ALG11: variants seen among roughly 807,000 people sequenced by gnomAD.
ALG11 encodes the protein GDP-Man:Man(3)GlcNAc(2)-PP-Dol alpha-1,2-mannosyltransferase.
A neutral mutation model predicts 38.8 loss-of-function variants in ALG11; 26 were observed. The observed-to-expected ratio is 0.67, with a 90% CI of 0.49 to 0.93. The LOEUF (loss-of-function observed/expected upper bound fraction) is 0.93. Among genes scored for constraint, ALG11 ranks in the 40% least tolerant of loss-of-function variants. The probability of loss-of-function intolerance (pLI) is 0.00; values close to 1 mark genes in which losing one functional copy is unlikely to be tolerated. For synonymous variants in ALG11, 199 were observed against 211.6 expected (o/e 0.94, Z 0.52); for missense variants, 535 against 578.8 (o/e 0.92, Z 0.78).
chr13:52,022,426 A>T (rs1954191505), intron 2 of ALG11: 1 of 152,200 alleles, frequency 6.6e-6, no homozygotes. Context: ...GCTACCAGAG[A>T]TCACAATCTT....
intron 3 of ALG11, among the ~76,000 whole-genome samples, chr13:52,025,882 C>G (rs1396840465): frequency 6.6e-6 from 1 of 152,214 alleles, no homozygotes; most frequent in African/African-American, 2.4e-5. Context: ...GTGCTAGGCC[C>G]AGACATTAAG....
chr13:52,032,791 CTTA>C lies in ALG11; in HGVS notation c.*4204_*4206del, dbSNP rs1036964589. 1.2e-5 allele frequency: 2 copies of C among 167,048 alleles called. No homozygotes were observed. The highest frequency in any genetic ancestry group is 2.9e-5 in the Non-Finnish European group (2 of 68,108). The allele number at this position is 167,048 out of a possible 1,614,324, so 10.3% of individuals were successfully genotyped here. On this transcript the variant is annotated 3_prime_UTR_variant, in exon 4 of 4. Coordinates refer to ENST00000521508, the MANE Select transcript of ALG11 (RefSeq NM_001004127.3). ...ACCCTACAGATTAGCCCAGTTCTCT[CTTA>C]TTTTCAGCTTTACAGACAAGAACAA...
In ALG11 at chr13:52,032,680, C is replaced by CA. The variant is rs1158123371; in HGVS notation, c.*4091dup. On this transcript the variant is annotated 3_prime_UTR_variant, in exon 4 of 4. Transcript: ENST00000521508. ...AAAAAGCAGCAAACAGAGGGTCAGT[C>CA]ACAGGATGTTCTGACACACCATTGT... 1 of 167,104 alleles carries CA rather than the reference C, an allele frequency of 6.0e-6. No individual in the cohort carries two copies. The highest frequency in any genetic ancestry group is 1.5e-5 in the Non-Finnish European group (1 of 68,120). 10.4% of individuals were successfully genotyped at this position (167,104 alleles called of 1,614,324 possible).
chr13:52,025,270 GAGT>G (rs1236632880), intron 3 of ALG11, among the ~76,000 whole-genome samples: 2 of 152,064 alleles, frequency 1.3e-5, no homozygotes, highest in African/African-American at 4.8e-5. Flanking sequence ...GAAATTGCTC[GAGT>G]TCAGTTACAC....
chr13:52,018,563 A>G lies in ALG11; in HGVS notation c.45-350A>G, dbSNP rs138846646. ...GACCCTCAAAATGACAGTATATAAC[A>G]CATTCTTAATCATGTCTTGTTTAGA... On this transcript the variant is annotated intron_variant, in intron 1 of 3. Coordinates refer to ENST00000521508, the MANE Select transcript of ALG11 (RefSeq NM_001004127.3). 2.5e-3 allele frequency among the ~76,000 whole-genome samples: 378 copies of G among 152,326 alleles called. 2 individuals carry two copies. The highest frequency in any genetic ancestry group is 9.3e-3 in the South Asian group (45 of 4,834).
chr13:52,030,928 C>T lies in ALG11; in HGVS notation c.*2338C>T, dbSNP rs368572565. The T allele has an allele frequency of 1.2e-6, 2 of 1,614,018 alleles. No individual in the cohort carries two copies. The highest frequency in any genetic ancestry group is 1.7e-6 in the Non-Finnish European group (2 of 1,180,044). ...CCCCTATAGGATCCACATGGAACAC[C>T]CAGAGGGCTTTCCAAAAGCTGACTA... On this transcript the variant is annotated 3_prime_UTR_variant, in exon 4 of 4. Coordinates refer to ENST00000521508, the MANE Select transcript of ALG11 (RefSeq NM_001004127.3).
Position 52,031,033 on chromosome 13 carries a change from G to A in ALG11, c.*2443G>A. The A allele has an allele frequency of 1.2e-6, 2 of 1,614,120 alleles. No homozygotes were observed. The highest frequency in any genetic ancestry group is 2.2e-5 in the East Asian group (1 of 44,874). On this transcript the variant is annotated 3_prime_UTR_variant, in exon 4 of 4. Transcript: ENST00000521508. Reference sequence around the variant, plus strand: ...ATGTGGGCTACCAGTCTTCCTCAAGGTCAGACCTGCCTGTCATACAGAGGA... The same window carrying A: ...ATGTGGGCTACCAGTCTTCCTCAAGATCAGACCTGCCTGTCATACAGAGGA...
chr13:52,012,542 C>T, intron 1 of ALG11, 80 bp downstream of exon 1: 1 of 1,595,008 alleles, frequency 6.3e-7, no homozygotes, highest in Non-Finnish European at 8.6e-7. Context: ...CTAAATTTTG[C>T]GGGCAAATGG....
At chr13:52,019,720 C>G (rs1475018653) in intron 2 of ALG11, among the ~76,000 whole-genome samples, 2 of 152,178 alleles carry the variant, frequency 1.3e-5, no homozygotes, top group African/African-American at 4.8e-5. Flanking sequence ...GCAGGTGAAT[C>G]ACTTGAGCCC....
chr13:52,029,596 A>T lies in ALG11; in HGVS notation c.*1006A>T. 1.2e-6 allele frequency: 2 copies of T among 1,614,254 alleles called. No homozygotes were observed. Among genetic ancestry groups the T allele is most frequent in the Non-Finnish European group, 1.7e-6 (2 of 1,180,048 alleles). On this transcript the variant is annotated 3_prime_UTR_variant, in exon 4 of 4. Transcript: ENST00000521508. ...AGAAAGGAAAGGCCAAGAAAGCCTT[A>T]AAAGAGTTTGAGCAGCTACAGAAGG...
Position 52,030,691 on chromosome 13 carries a change from C to A in ALG11, c.*2101C>A. 1 of 1,614,204 alleles carries A rather than the reference C, an allele frequency of 6.2e-7. No individual in the cohort carries two copies. On this transcript the variant is annotated 3_prime_UTR_variant, in exon 4 of 4. Coordinates refer to ENST00000521508, the MANE Select transcript of ALG11 (RefSeq NM_001004127.3). Reference sequence around the variant, plus strand: ...AGGACGTGGACCTGACACTACCTGGCTGGGGCGAGTGGGGTGGTGTGGGCC... The same window carrying A: ...AGGACGTGGACCTGACACTACCTGGATGGGGCGAGTGGGGTGGTGTGGGCC...
rs1441072669 is a variant in ALG11, at chr13:52,014,328, G to GT, written c.44+1872dup. ...TTCTTTTTTTGGTTTGGAAAAGATA[G>GT]TTTTTTAATAAAAATATGTTAATGT... On this transcript the variant is annotated intron_variant, in intron 1 of 3. Coordinates refer to ENST00000521508, the MANE Select transcript of ALG11 (RefSeq NM_001004127.3). 2.0e-5 allele frequency among the ~76,000 whole-genome samples: 3 copies of GT among 152,062 alleles called. No homozygotes were observed. The East Asian group carries it at 5.8e-4, about 29-fold the overall frequency.
rs1366528297 is a variant in ALG11, at chr13:52,032,335, A to T, written c.*3745A>T. ...ATGCATTACAACTCTGTAGATTGTT[A>T]GTTACTAGGCCAGTAGCTAGGAATT... On this transcript the variant is annotated 3_prime_UTR_variant, in exon 4 of 4. Coordinates refer to ENST00000521508, the MANE Select transcript of ALG11 (RefSeq NM_001004127.3). The T allele has an allele frequency of 6.0e-6, 1 of 167,110 alleles. No homozygotes were observed. The highest frequency in any genetic ancestry group is 1.5e-5 in the Non-Finnish European group (1 of 68,134). 10.4% of individuals were successfully genotyped at this position (167,110 alleles called of 1,614,324 possible). A position where few individuals can be genotyped will look rare whatever the true frequency, so the allele number is the denominator to read the frequency against.
intron 2 of ALG11, 58 bp downstream of exon 2, chr13:52,019,201 TA>T (rs1954162812): frequency 2.5e-6 from 3 of 1,199,510 alleles, no homozygotes; most frequent in Admixed American, 4.4e-5. Context: ...TAAAAATTAT[TA>T]TCCAGAAATT....
rs1954268452 is a variant in ALG11, at chr13:52,028,880, C to G, written c.*290C>G. ...ACTAGTGGATTTGCCAAAAAACTAC[C>G]CCTTGAGTGAAAATGAAGATGAGGG... On this transcript the variant is annotated 3_prime_UTR_variant, in exon 4 of 4. Coordinates refer to ENST00000521508, the MANE Select transcript of ALG11 (RefSeq NM_001004127.3). The G allele has an allele frequency of 6.2e-6, 10 of 1,614,026 alleles. No individual in the cohort carries two copies. Among genetic ancestry groups the G allele is most frequent in the Non-Finnish European group, 8.5e-6 (10 of 1,180,024 alleles).
At chr13:52,022,591 T>G (rs528515448) in intron 2 of ALG11, 3 of 152,372 alleles carry the variant, frequency 2.0e-5, no homozygotes. Flanking sequence ...GTTATTTGTT[T>G]TGCATGTCTG....
chr13:52,031,372 AAAAG>A lies in ALG11; in HGVS notation c.*2786_*2789del, dbSNP rs765697234. The A allele has an allele frequency of 1.5e-5, 7 of 462,070 alleles. No homozygotes were observed. Among genetic ancestry groups the A allele is most frequent in the Non-Finnish European group, 2.3e-5 (6 of 260,444 alleles). The allele number at this position is 462,070 out of a possible 1,614,324, so 28.6% of individuals were successfully genotyped here. ...TGAATATACCTAATGATTTCCTTAAAAAAGAAATTTTAAACAGACTTGTTTAATC... is the reference window on the plus strand; with the variant it reads ...TGAATATACCTAATGATTTCCTTAAAAAATTTTAAACAGACTTGTTTAATC... On this transcript the variant is annotated 3_prime_UTR_variant, in exon 4 of 4. Transcript: ENST00000521508.
intron 2 of ALG11, 39 bp downstream of exon 2, chr13:52,019,182 T>C: frequency 1.4e-6 from 2 of 1,421,994 alleles, no homozygotes; most frequent in Non-Finnish European, 9.8e-7. Flanking sequence ...GCTATATTGT[T>C]CCATTTCTTA....
At position 52,031,989 on chromosome 13, in the gene ALG11, G is replaced by A. The variant is rs376680461; in HGVS notation, c.*3399G>A. The A allele has an allele frequency of 2.5e-5, 4 of 162,366 alleles. No homozygotes were observed. The highest frequency in any genetic ancestry group is 4.4e-5 in the Non-Finnish European group (3 of 68,136). The allele number at this position is 162,366 out of a possible 1,614,324, so 10.1% of individuals were successfully genotyped here. On this transcript the variant is annotated 3_prime_UTR_variant, in exon 4 of 4. Coordinates refer to ENST00000521508, the MANE Select transcript of ALG11 (RefSeq NM_001004127.3). ...TGTAATCCCAGCACTTTGGGAGGCC[G>A]AGATGGGTGGATCATGAGGTCAGCA...
Sources: allele counts gnomAD v4.1 joint callset (sites outside exome capture counted in the v4.1 genomes callset), GRCh38; gene constraint gnomAD v4.1.1; transcripts MANE v1.5; gene names NCBI Gene and HGNC (gene_info 2026-07-23, HGNC 2026-07-21).